The following ZDHHC20 variants were observed in gnomAD, a reference collection of about 807,000 sequenced individuals.
ZDHHC20 encodes the protein palmitoyltransferase ZDHHC20.
Under a neutral mutation model 57.8 loss-of-function variants are expected in ZDHHC20, and 43 were observed. That is an observed-to-expected ratio of 0.74 (90% CI 0.58 to 0.96). ZDHHC20 has a LOEUF of 0.96. Among genes scored for constraint, ZDHHC20 ranks in the 40% least tolerant of loss-of-function variants. ZDHHC20 has a pLI of 0.00. For synonymous variants in ZDHHC20, 157 were observed against 153.0 expected (o/e 1.03, Z -0.19); for missense variants, 391 against 441.1 (o/e 0.89, Z 1.02).
rs1263525781 is a variant in ZDHHC20, at chr13:21,447,814, C to G, written c.118+11240G>C. The stretch of plus-strand genomic sequence containing the variant: ...AAAGTGAGGAGTGTCTCCGCCCAGC[C>G]GCCATCCCATCTAGGAAGTGAGGAG... On this transcript the variant is annotated intron_variant, in intron 1 of 12. Coordinates refer to ENST00000400590, the MANE Select transcript of ZDHHC20 (RefSeq NM_001330059.2). Among the ~76,000 whole-genome samples the G allele has an allele frequency of 3.1e-5, 3 of 96,840 alleles. 1 individual carries two copies. Among genetic ancestry groups the G allele is most frequent in the Non-Finnish European group, 7.6e-5 (3 of 39,274 alleles). 63.5% of individuals were successfully genotyped at this position (96,840 alleles called of 152,430 possible). A position where few individuals can be genotyped will look rare whatever the true frequency, so the allele number is the denominator to read the frequency against.
At chr13:21,376,864 G>C in intron 12 of ZDHHC20, 2 of 332,312 alleles carry the variant, frequency 6.0e-6, no homozygotes, top group East Asian at 1.1e-4. Flanking sequence ...AATCAAAAGA[G>C]TATTTTAAAA....
At chr13:21,381,983 T>G in intron 10 of ZDHHC20, 1 of 508,634 alleles carries the variant, frequency 2.0e-6, no homozygotes. Context: ...TAGCGTAGAC[T>G]TATTTTTCTA....
intron 4 of ZDHHC20, among the ~76,000 whole-genome samples, chr13:21,411,210 A>G (rs1413745070): frequency 1.3e-5 from 2 of 152,094 alleles, no homozygotes; most frequent in East Asian, 3.9e-4. Flanking sequence ...AACCAGTCCC[A>G]ATGAGATGAA....
At chr13:21,396,584 G>A (rs746976998) in intron 7 of ZDHHC20, among the ~76,000 whole-genome samples, 14 of 152,194 alleles carry the variant, frequency 9.2e-5, no homozygotes, top group Admixed American at 2.0e-4. Context: ...TATTATCCCA[G>A]TATTTCAGGA....
chr13:21,395,189 C>A (rs1157699680), intron 7 of ZDHHC20, among the ~76,000 whole-genome samples: 1 of 151,730 alleles, frequency 6.6e-6, no homozygotes, highest in Non-Finnish European at 1.5e-5. Flanking sequence ...GCCTCAGCCT[C>A]CAGAGTAGCT....
At chr13:21,411,467 G>T (rs1879210201) in intron 4 of ZDHHC20, among the ~76,000 whole-genome samples, 1 of 152,170 alleles carries the variant, frequency 6.6e-6, no homozygotes, top group Non-Finnish European at 1.5e-5. Flanking sequence ...CCATTTTACA[G>T]ATCAAAGACA....
chr13:21,455,423 A>T (rs1593293752), intron 1 of ZDHHC20, among the ~76,000 whole-genome samples: 1 of 152,332 alleles, frequency 6.6e-6, no homozygotes, highest in Non-Finnish European at 1.5e-5. Context: ...ACCTTGACCA[A>T]AGAGAAGAAG....
intron 10 of ZDHHC20, chr13:21,381,912 C>A: frequency 1.9e-6 from 1 of 535,074 alleles, no homozygotes; most frequent in Non-Finnish European, 3.7e-6. Flanking sequence ...TGTCATTTGC[C>A]AAGTTTTCTG....
rs1872059776 is a variant in ZDHHC20, at chr13:21,376,282, T to C, written c.*414A>G. On this transcript the variant is annotated 3_prime_UTR_variant, in exon 13 of 13. Coordinates refer to ENST00000400590, the MANE Select transcript of ZDHHC20 (RefSeq NM_001330059.2). ...CATTTGCCCTAGATGTACTTTAAAG[T>C]TTTTAAGCTTGTGTTTTTGGAGTGA... 1 of 160,440 alleles carries C rather than the reference T, an allele frequency of 6.2e-6. No individual in the cohort carries two copies. The highest frequency in any genetic ancestry group is 2.0e-4 in the South Asian group (1 of 4,924). The allele number at this position is 160,440 out of a possible 1,614,324, so 9.9% of individuals were successfully genotyped here. A position where few individuals can be genotyped will look rare whatever the true frequency, so the allele number is the denominator to read the frequency against.
rs930726728 is a variant in ZDHHC20 at position 21,375,401 on chromosome 13, T to A, written c.*1295A>T. On this transcript the variant is annotated 3_prime_UTR_variant, in exon 13 of 13. Coordinates refer to ENST00000400590, the MANE Select transcript of ZDHHC20 (RefSeq NM_001330059.2). ...TAAAAGGTGTAAATGAGGAGTGACA[T>A]TTCTACATTGTTTATTCTGTACTTT... 1.6e-5 allele frequency: 5 copies of A among 315,254 alleles called. No homozygotes were observed. The highest frequency in any genetic ancestry group is 1.1e-4 in the African/African-American group (5 of 44,422). 19.5% of individuals were successfully genotyped at this position (315,254 alleles called of 1,614,324 possible).
At chr13:21,420,126 A>G (rs568996733) in intron 3 of ZDHHC20, among the ~76,000 whole-genome samples, 2 of 152,228 alleles carry the variant, frequency 1.3e-5, no homozygotes, top group African/African-American at 4.8e-5. Flanking sequence ...GTCTCTACTG[A>G]AAATACAAAA....
intron 1 of ZDHHC20, among the ~76,000 whole-genome samples, chr13:21,440,103 ATGTTCT>A (rs1338573409): frequency 7.0e-6 from 1 of 143,198 alleles, no homozygotes; most frequent in Non-Finnish European, 1.5e-5. Flanking sequence ...AAAAAAGACA[ATGTTCT>A]TGTTCTTAGG....
At chr13:21,387,417 A>T in intron 9 of ZDHHC20, 91 bp downstream of exon 9, 1 of 947,808 alleles carries the variant, frequency 1.1e-6, no homozygotes, top group South Asian at 4.2e-5. Flanking sequence ...ATATCATTAT[A>T]TATTATATTC....
chr13:21,384,457 CAAAAAA>C (rs11358320), intron 9 of ZDHHC20, among the ~76,000 whole-genome samples: 1 of 76,140 alleles, frequency 1.3e-5, no homozygotes, highest in Non-Finnish European at 2.4e-5. Context: ...ACTCTATCTC[CAAAAAA>C]AAAAAAAAAA....
At chr13:21,453,481 C>T (rs1049886708) in intron 1 of ZDHHC20, among the ~76,000 whole-genome samples, 5 of 152,184 alleles carry the variant, frequency 3.3e-5, no homozygotes, top group African/African-American at 7.2e-5. Flanking sequence ...ACAGAATACT[C>T]CACCCAGCAA....
At chr13:21,386,422 C>A (rs1874496078) in intron 9 of ZDHHC20, among the ~76,000 whole-genome samples, 1 of 152,132 alleles carries the variant, frequency 6.6e-6, no homozygotes, top group Non-Finnish European at 1.5e-5. Flanking sequence ...AATCAAATTG[C>A]ATGAAGTAGT....
At chr13:21,385,092 G>A (rs1028055969) in intron 9 of ZDHHC20, among the ~76,000 whole-genome samples, 41 of 151,646 alleles carry the variant, frequency 2.7e-4, no homozygotes, top group African/African-American at 9.2e-4. Context: ...AAAGAGAAAC[G>A]TAAGATATAA....
At chr13:21,421,812 GAACT>G (rs1289236349) in intron 2 of ZDHHC20, among the ~76,000 whole-genome samples, 5 of 152,226 alleles carry the variant, frequency 3.3e-5, no homozygotes, top group African/African-American at 1.2e-4. Flanking sequence ...TAAGAAGCAA[GAACT>G]ATCTATCAGA....
In ZDHHC20 at chr13:21,445,144, C is replaced by T. The variant is rs79412026; in HGVS notation, c.118+13910G>A. Reference sequence around the variant, plus strand: ...TATGGGAGAGGTTTTGTCTTATTTGCATTACATGCCCCAAACACAAGATTT... The same window carrying T: ...TATGGGAGAGGTTTTGTCTTATTTGTATTACATGCCCCAAACACAAGATTT... On this transcript the variant is annotated intron_variant, in intron 1 of 12. Transcript: ENST00000400590. Among the ~76,000 whole-genome samples the T allele has an allele frequency of 3.1e-3, 468 of 151,986 alleles. 2 individuals carry two copies. Among genetic ancestry groups the T allele is most frequent in the African/African-American group, 0.011 (438 of 41,448 alleles).
Sources: allele counts gnomAD v4.1 joint callset (sites outside exome capture counted in the v4.1 genomes callset), GRCh38; gene constraint gnomAD v4.1.1; transcripts MANE v1.5; gene names NCBI Gene and HGNC (gene_info 2026-07-23, HGNC 2026-07-21).